Variants in PDSS1 observed in about 807,000 individuals in gnomAD.
PDSS1 encodes the protein decaprenyl diphosphate synthase subunit 1, also known as all trans-polyprenyl-diphosphate synthase PDSS1.
In PDSS1, 43 loss-of-function variants were observed where a neutral mutation model predicts 57.5. That is an observed-to-expected ratio of 0.75 (90% CI 0.59 to 0.96). The LOEUF (loss-of-function observed/expected upper bound fraction) is 0.96. Ranked by LOEUF, PDSS1 falls within the 50% of genes least tolerant of loss-of-function variation. The probability of loss-of-function intolerance (pLI) is 0.00; values close to 1 mark genes in which losing one functional copy is unlikely to be tolerated. For synonymous variants in PDSS1, 175 were observed against 191.3 expected (o/e 0.91, Z 0.70); for missense variants, 438 against 527.8 (o/e 0.83, Z 1.67).
intron 8 of PDSS1, among the ~76,000 whole-genome samples, chr10:26,729,903 C>CAT (rs1564431012): frequency 8.0e-6 from 1 of 125,342 alleles, no homozygotes; most frequent in African/African-American, 3.0e-5. Context: ...ATAGTTGGTT[C>CAT]CTTTTTTTTT....
At chr10:26,705,997 C>T (rs1053943216) in intron 4 of PDSS1, among the ~76,000 whole-genome samples, 3 of 152,196 alleles carry the variant, frequency 2.0e-5, no homozygotes, top group African/African-American at 7.2e-5. Context: ...AACCCACCAC[C>T]TCCCAGTGAC....
chr10:26,746,019 G>A (rs745802613), intron 11 of PDSS1, among the ~76,000 whole-genome samples: 7 of 151,984 alleles, frequency 4.6e-5, no homozygotes, highest in Non-Finnish European at 1.0e-4. Flanking sequence ...GTTGTATAAA[G>A]ATACTTTGTA....
intron 8 of PDSS1, among the ~76,000 whole-genome samples, chr10:26,732,230 T>C (rs1836232473): frequency 6.6e-6 from 1 of 152,224 alleles, no homozygotes; most frequent in African/African-American, 2.4e-5. Context: ...GTGGCAGTTG[T>C]TTTCTGTTTT....
At chr10:26,727,053 G>GTC in intron 8 of PDSS1, among the ~76,000 whole-genome samples, 1 of 103,014 alleles carries the variant, frequency 9.7e-6, no homozygotes, top group Admixed American at 1.0e-4. Flanking sequence ...TAGAGCGAGA[G>GTC]TCTCTCAAAA....
At chr10:26,739,306 A>G (rs113385972) in intron 10 of PDSS1, among the ~76,000 whole-genome samples, 13 of 152,238 alleles carry the variant, frequency 8.5e-5, no homozygotes, top group African/African-American at 2.9e-4. Flanking sequence ...TCTTAAAAAC[A>G]GCACCTGAGC....
chr10:26,713,265 C>T (rs1835454664), intron 5 of PDSS1, among the ~76,000 whole-genome samples: 1 of 150,954 alleles, frequency 6.6e-6, no homozygotes, highest in Non-Finnish European at 1.5e-5. Context: ...GCATTCCATC[C>T]TGGGAACAGA....
chr10:26,739,577 C>T (rs1363826279), intron 10 of PDSS1, among the ~76,000 whole-genome samples: 1 of 152,122 alleles, frequency 6.6e-6, no homozygotes, highest in Non-Finnish European at 1.5e-5. Flanking sequence ...CATATCTTAC[C>T]ACACTTGCTG....
chr10:26,705,347 A>C lies in PDSS1; in HGVS notation c.289A>C (p.Lys97Gln). The change falls in exon 4 of 12, where the codon AAA becomes CAA. Residue 97 changes from lysine to glutamine, a missense_variant. Around this residue, in one of 2 missense-constraint regions of PDSS1, gnomAD observed 154 missense variants for 137.0 expected, o/e 1.12. Transcript: ENST00000376215. The stretch of plus-strand genomic sequence containing the variant: ...TGGTGAAAAATACACCGATCCTTTC[A>C]AACTCGGTTGGAGAGACTTGAAAGG... The part of the protein sequence containing the change: ...HSGEKYTDPF[K>Q]LGWRDLKGLY... 1 of 1,612,924 alleles carries C rather than the reference A, an allele frequency of 6.2e-7. No homozygotes were observed.
intron 11 of PDSS1, 107 bp downstream of exon 11, chr10:26,742,684 G>A (rs954381249): frequency 2.7e-6 from 2 of 729,764 alleles, no homozygotes; most frequent in Non-Finnish European, 4.9e-6. Flanking sequence ...ATACAAGACT[G>A]TTTGGTCAAC....
Position 26,735,321 on chromosome 10 carries a change from G to A in PDSS1, c.912+1G>A. ...AAAAAATGTAGGAATAGCTTTTCAG[G>A]TTAGTATGCTTTTTATTTGTAAGAA... On this transcript the variant is annotated splice_donor_variant, in intron 9 of 11. Transcript: ENST00000376215. LOFTEE classifies it high-confidence loss of function. 1 of 1,601,638 alleles carries A rather than the reference G, an allele frequency of 6.2e-7. No homozygotes were observed. The highest frequency in any genetic ancestry group is 8.6e-7 in the Non-Finnish European group (1 of 1,168,552).
chr10:26,705,453 T>G (rs1490106427), intron 4 of PDSS1, 59 bp downstream of exon 4: 2 of 696,726 alleles, frequency 2.9e-6, no homozygotes, highest in Non-Finnish European at 4.7e-6. Flanking sequence ...TACTAAAATT[T>G]TATTTTATTT....
chr10:26,720,157 G>A (rs1835736569), intron 5 of PDSS1, 61 bp from the exon 6 acceptor site: 1 of 1,609,214 alleles, frequency 6.2e-7, no homozygotes, highest in African/African-American at 1.3e-5. Flanking sequence ...GTTTTCACAA[G>A]CTGATTGCTG....
chr10:26,738,315 A>G (rs1836471246), intron 10 of PDSS1, among the ~76,000 whole-genome samples: 1 of 152,272 alleles, frequency 6.6e-6, no homozygotes, highest in African/African-American at 2.4e-5. Flanking sequence ...TCTGCAAGTA[A>G]GAAACTGATG....
At position 26,736,642 on chromosome 10, in the gene PDSS1, G is replaced by T. The variant is rs546872289; in HGVS notation, c.1026+1063G>T. ...GGCAGCATGATTCTTCCCAGGGGAGGCTGACGTTCTGGGTGGCTGGACCAG... is the reference window on the plus strand; with the variant it reads ...GGCAGCATGATTCTTCCCAGGGGAGTCTGACGTTCTGGGTGGCTGGACCAG... On this transcript the variant is annotated intron_variant, in intron 10 of 11. Transcript: ENST00000376215. Among the ~76,000 whole-genome samples, 229 of 152,258 alleles carry T rather than the reference G, an allele frequency of 1.5e-3. 1 individual carries two copies. The highest frequency in any genetic ancestry group is 0.011 in the South Asian group (52 of 4,830).
At chr10:26,709,226 C>T (rs1780181) in intron 4 of PDSS1, among the ~76,000 whole-genome samples, 83,870 of 152,078 alleles carry the variant, frequency 0.55, 23,638 homozygotes, top group Middle Eastern at 0.64. Context: ...TTGAATTTCT[C>T]AATTGAAATG....
intron 8 of PDSS1, among the ~76,000 whole-genome samples, chr10:26,724,409 C>T (rs1210284266): frequency 1.3e-5 from 2 of 152,154 alleles, no homozygotes; most frequent in African/African-American, 4.8e-5. Flanking sequence ...CAAACTGTAT[C>T]ATTTTGAACA....
intron 11 of PDSS1, 37 bp from the exon 12 acceptor site, chr10:26,746,296 G>A: frequency 6.2e-7 from 1 of 1,611,396 alleles, no homozygotes; most frequent in Non-Finnish European, 8.5e-7. Flanking sequence ...TTCAGTCAGT[G>A]ACAGGCATCT....
intron 8 of PDSS1, among the ~76,000 whole-genome samples, chr10:26,729,435 A>G (rs1360206288): frequency 6.6e-6 from 1 of 152,228 alleles, no homozygotes. Context: ...CGAGGTATCA[A>G]ACAGATAGTT....
chr10:26,743,273 C>G (rs1836691819), intron 11 of PDSS1, among the ~76,000 whole-genome samples: 1 of 152,162 alleles, frequency 6.6e-6, no homozygotes, highest in African/African-American at 2.4e-5. Context: ...TGAGCCATTT[C>G]CAAGTTCACT....
Sources: allele counts gnomAD v4.1 joint callset (sites outside exome capture counted in the v4.1 genomes callset), GRCh38; gene constraint gnomAD v4.1.1; regional missense constraint gnomAD v4.1.1; transcripts MANE v1.5; gene names NCBI Gene and HGNC (gene_info 2026-07-23, HGNC 2026-07-21).